The following SLC38A1 variants were observed in gnomAD, a reference collection of about 807,000 sequenced individuals.
SLC38A1 encodes the protein solute carrier family 38 member 1.
A neutral mutation model predicts 60.3 loss-of-function variants in SLC38A1; 18 were observed. The observed-to-expected ratio is 0.30, with a 90% confidence interval of 0.21 to 0.44. The LOEUF (loss-of-function observed/expected upper bound fraction) is 0.44. SLC38A1 is among the 20% of genes least tolerant of loss of function. The probability of loss-of-function intolerance (pLI) is 1.00; values close to 1 mark genes in which losing one functional copy is unlikely to be tolerated. For missense variants in SLC38A1, 448 were observed against 587.2 expected (o/e 0.76, Z 2.45); for synonymous variants, 196 against 212.1 (o/e 0.92, Z 0.66).
chr12:46,194,543 A>G (rs987768833), intron 16 of SLC38A1, among the ~76,000 whole-genome samples: 4 of 152,014 alleles, frequency 2.6e-5, no homozygotes, highest in African/African-American at 9.7e-5. Context: ...ACTTGGATCC[A>G]TTCTCCCCCT....
At chr12:46,190,352 G>GGTT (rs532744544) in intron 16 of SLC38A1, among the ~76,000 whole-genome samples, 320 of 151,410 alleles carry the variant, frequency 2.1e-3, no homozygotes, top group Middle Eastern at 6.8e-3. Flanking sequence ...TGGACATTTG[G>GGTT]GGTTCCAAGT....
intron 5 of SLC38A1, among the ~76,000 whole-genome samples, chr12:46,221,288 G>A (rs1307306471): frequency 1.3e-5 from 2 of 152,068 alleles, no homozygotes; most frequent in African/African-American, 2.4e-5. Flanking sequence ...TGCTGTAACT[G>A]ACAATGACAA....
At chr12:46,230,823 A>G (rs1248508244) in intron 3 of SLC38A1, among the ~76,000 whole-genome samples, 1 of 152,234 alleles carries the variant, frequency 6.6e-6, no homozygotes, top group Admixed American at 6.5e-5. Context: ...GATGTGGAAA[A>G]AAAGGAATGC....
Position 46,204,279 on chromosome 12 carries a change from T to C in SLC38A1, c.822+22A>G, listed in dbSNP as rs2137126024. ...CCTTAATAAAAATGCTTGTTTCATC[T>C]GCAAAGGATCAGGAAACTTACCTTT... On this transcript the variant is annotated intron_variant, in intron 11 of 16. Coordinates refer to ENST00000398637, the MANE Select transcript of SLC38A1 (RefSeq NM_030674.4). 4.9e-6 allele frequency: 7 copies of C among 1,438,996 alleles called. No homozygotes were observed. In the East Asian group the frequency reaches 1.6e-4, roughly 33 times the overall value. The allele number at this position is 1,438,996 out of a possible 1,614,324, so 89.1% of individuals were successfully genotyped here. A position where few individuals can be genotyped will look rare whatever the true frequency, so the allele number is the denominator to read the frequency against.
At chr12:46,209,677 T>C (rs1430125976) in intron 5 of SLC38A1, among the ~76,000 whole-genome samples, 2 of 152,222 alleles carry the variant, frequency 1.3e-5, no homozygotes, top group Non-Finnish European at 2.9e-5. Context: ...ACTAATGTAA[T>C]TCACTTTTTT....
chr12:46,188,934 G>A lies in SLC38A1; in HGVS notation c.*36C>T. 1.3e-6 allele frequency: 2 copies of A among 1,556,590 alleles called. No homozygotes were observed. The highest frequency in any genetic ancestry group is 1.8e-6 in the Non-Finnish European group (2 of 1,130,266). ...TGCTGATGTGTGGGGACTTGACTGA[G>A]CAGACAACAGGGATGTTTCTTTTTC... is the stretch of plus-strand genomic sequence containing the variant. On this transcript the variant is annotated 3_prime_UTR_variant, in exon 17 of 17. Transcript: ENST00000398637.
chr12:46,204,744 A>C (rs929931807), intron 9 of SLC38A1, among the ~76,000 whole-genome samples, 154 bp from the exon 10 acceptor site: 1 of 152,226 alleles, frequency 6.6e-6, no homozygotes, highest in African/African-American at 2.4e-5. Flanking sequence ...AATAATAAAC[A>C]TACATGCCCA....
At position 46,228,290 on chromosome 12, in the gene SLC38A1, CT is replaced by C. The variant is rs1565776775; in HGVS notation, c.314+862del. ...ATTCTTTTATCTCAGTTTTTGATGT[CT>C]TTTTTGAAAGGATATCCACAGTTTG... is the stretch of plus-strand genomic sequence containing the variant. On this transcript the variant is annotated intron_variant, in intron 5 of 16. Coordinates refer to ENST00000398637, the MANE Select transcript of SLC38A1 (RefSeq NM_030674.4). Among the ~76,000 whole-genome samples the C allele has an allele frequency of 2.0e-5, 3 of 152,254 alleles. No individual in the cohort carries two copies. The South Asian group carries it at 6.2e-4, about 32-fold the overall frequency.
chr12:46,188,636 T>A lies in SLC38A1; in HGVS notation c.*334A>T, dbSNP rs924133524. 1 of 188,288 alleles carries A rather than the reference T, an allele frequency of 5.3e-6. No individual in the cohort carries two copies. Among genetic ancestry groups the A allele is most frequent in the Non-Finnish European group, 1.1e-5 (1 of 90,286 alleles). The allele number at this position is 188,288 out of a possible 1,614,324, so 11.7% of individuals were successfully genotyped here. A position where few individuals can be genotyped will look rare whatever the true frequency, so the allele number is the denominator to read the frequency against. ...CTGGATGTATAATAAATAAACATTA[T>A]TGTATATCATGTTTTCAAAGTTCTA... On this transcript the variant is annotated 3_prime_UTR_variant, in exon 17 of 17. Transcript: ENST00000398637.
chr12:46,228,839 T>C (rs1391244466), intron 5 of SLC38A1, among the ~76,000 whole-genome samples: 1 of 152,172 alleles, frequency 6.6e-6, no homozygotes, highest in Non-Finnish European at 1.5e-5. Context: ...TCTTAATATT[T>C]TAACTGAGAT....
intron 5 of SLC38A1, among the ~76,000 whole-genome samples, chr12:46,213,172 T>C (rs1211525039): frequency 6.6e-6 from 1 of 152,198 alleles, no homozygotes; most frequent in Non-Finnish European, 1.5e-5. Context: ...CAAAGCATGA[T>C]AGGATTTTTA....
rs1183658902 is a variant in SLC38A1, at chr12:46,189,028, C to G, written c.1406G>C (p.Ser469Thr). The G allele has an allele frequency of 6.2e-7, 1 of 1,613,568 alleles. No homozygotes were observed. The highest frequency in any genetic ancestry group is 1.3e-5 in the African/African-American group (1 of 74,824). The change falls in exon 17 of 17, where the codon AGC (serine) becomes ACC (threonine). Residue 469 changes from serine (S) to threonine (T), a missense_variant. Physicochemically the swap from Ser to Thr is moderately conservative, Grantham distance 58. Around this residue, in one of 2 missense-constraint regions of SLC38A1, gnomAD observed 346 missense variants for 497.5 expected, o/e 0.70. Coordinates refer to ENST00000398637, the MANE Select transcript of SLC38A1 (RefSeq NM_030674.4). ...LGLGVLFSLV[S>T]IPLVIYDWAC... ...CCAGTCATAGATGACCAAGGGAATG[C>G]TGACCAAGGAGAACAACACCCCCAG... is the stretch of plus-strand genomic sequence containing the variant.
rs1296396075 is a variant in SLC38A1, at chr12:46,183,936, C to G, written c.*5034G>C. On this transcript the variant is annotated 3_prime_UTR_variant, in exon 17 of 17. Coordinates refer to ENST00000398637, the MANE Select transcript of SLC38A1 (RefSeq NM_030674.4). ...AACATTTATTGTTTATATGCAGATC[C>G]TAGAGACTTCTATTTCAGTGCAGAT... The G allele has an allele frequency of 6.6e-6, 1 of 152,532 alleles. No individual in the cohort carries two copies. Among genetic ancestry groups the G allele is most frequent in the Non-Finnish European group, 1.5e-5 (1 of 68,004 alleles). The allele number at this position is 152,532 out of a possible 1,614,324, so 9.4% of individuals were successfully genotyped here.
At chr12:46,250,270 T>C (rs1160823000) in intron 1 of SLC38A1, among the ~76,000 whole-genome samples, 6 of 152,114 alleles carry the variant, frequency 3.9e-5, no homozygotes. Context: ...AGAAAAGGCC[T>C]TCGACAAAAT....
chr12:46,201,205 A>G lies in SLC38A1; in HGVS notation c.903-7T>C. ...CATTTTTTTCTGTGATCGGCTAAAA[A>G]CAAATAAATGTTAAAAATTAAAAAT... is the stretch of plus-strand genomic sequence containing the variant. On this transcript the variant is annotated splice_polypyrimidine_tract_variant and splice_region_variant and intron_variant, in intron 12 of 16. Transcript: ENST00000398637. The G allele has an allele frequency of 6.2e-7, 1 of 1,605,496 alleles. No individual in the cohort carries two copies. The highest frequency in any genetic ancestry group is 8.5e-7 in the Non-Finnish European group (1 of 1,174,132).
intron 5 of SLC38A1, 114 bp from the exon 6 acceptor site, chr12:46,209,241 T>C (rs1940041822): frequency 4.4e-6 from 3 of 674,468 alleles, no homozygotes; most frequent in East Asian, 3.1e-5. Context: ...GTTAATAGTA[T>C]CCAAATTTTG....
At chr12:46,216,370 A>G (rs1182557764) in intron 5 of SLC38A1, among the ~76,000 whole-genome samples, 1 of 152,220 alleles carries the variant, frequency 6.6e-6, no homozygotes, top group African/African-American at 2.4e-5. Flanking sequence ...GTGGTTGGAA[A>G]GCACAGCTTC....
chr12:46,215,313 CACTT>C (rs1428383524), intron 5 of SLC38A1, among the ~76,000 whole-genome samples: 1 of 152,222 alleles, frequency 6.6e-6, no homozygotes, highest in Non-Finnish European at 1.5e-5. Flanking sequence ...TGACGAAAAG[CACTT>C]ACAACTGAAT....
chr12:46,225,855 T>C lies in SLC38A1; in HGVS notation c.314+3298A>G, dbSNP rs558983741. On this transcript the variant is annotated intron_variant, in intron 5 of 16. Coordinates refer to ENST00000398637, the MANE Select transcript of SLC38A1 (RefSeq NM_030674.4). Reference sequence around the variant, plus strand: ...AGGGATACAAACAGCAAAATCCAGATTGTGGAAAACTTTACACAAATGGCC... The same window carrying C: ...AGGGATACAAACAGCAAAATCCAGACTGTGGAAAACTTTACACAAATGGCC... Among the ~76,000 whole-genome samples the C allele has an allele frequency of 3.3e-5, 5 of 152,184 alleles. No homozygotes were observed. The South Asian group carries it at 8.3e-4, about 25-fold the overall frequency.
Sources: gnomAD v4.1 joint callset for allele counts (sites outside exome capture counted in the v4.1 genomes callset) on GRCh38, gnomAD v4.1.1 for gene constraint, gnomAD v4.1.1 regional missense constraint, MANE v1.5 for transcripts, NCBI Gene and HGNC (gene_info 2026-07-23, HGNC 2026-07-21) for gene names.